LRRK1: variants seen among roughly 807,000 people sequenced by gnomAD.
LRRK1 encodes the protein leucine rich repeat kinase 1.
In LRRK1, 113 loss-of-function variants were observed where a neutral mutation model predicts 209.1. The ratio of observed to expected loss-of-function variants is 0.54; its 90% confidence interval spans 0.46 to 0.63. The LOEUF (loss-of-function observed/expected upper bound fraction) is 0.63. LRRK1 is among the 30% of genes least tolerant of loss of function. LRRK1 has a pLI of 0.00. For synonymous variants in LRRK1, 1,144 were observed against 1,099.7 expected (o/e 1.04, Z -0.80); for missense variants, 2,284 against 2,632.2 (o/e 0.87, Z 2.89).
At position 100,987,241 on chromosome 15, in the gene LRRK1, G is replaced by A. The variant is rs148356142; in HGVS notation, c.434-1393G>A. 7.8e-3 allele frequency among the ~76,000 whole-genome samples: 1,193 copies of A among 152,122 alleles called. 17 individuals are homozygous for A. Among genetic ancestry groups the A allele is most frequent in the African/African-American group, 0.028 (1,146 of 41,482 alleles). ...CCGGTTTCCTGATCAATGTCCTGTC[G>A]CGAAGGAGAGAGTCACTCTCTCCTC... On this transcript the variant is annotated intron_variant, in intron 4 of 33. Coordinates refer to ENST00000388948, the MANE Select transcript of LRRK1 (RefSeq NM_024652.6).
At position 101,053,054 on chromosome 15, in the gene LRRK1, C is replaced by CA. The variant is rs778455063; in HGVS notation, c.3828dup (p.Phe1277IlefsTer6). On this transcript the variant is annotated frameshift_variant, in exon 25 of 34. Coordinates refer to ENST00000388948, the MANE Select transcript of LRRK1 (RefSeq NM_024652.6). LOFTEE classifies it high-confidence loss of function. ...CTGTGGCCGTCAAGCGCTTCCACAT[C>CA]AAAAAATTCAAGAACTTTGCTAACG... 1 of 1,611,784 alleles carries CA rather than the reference C, an allele frequency of 6.2e-7. No individual in the cohort carries two copies. The highest frequency in any genetic ancestry group is 1.1e-5 in the South Asian group (1 of 91,008).
Position 101,070,645 on chromosome 15 carries a change from A to T in LRRK1, c.*1797A>T, listed in dbSNP as rs1387725674. The T allele has an allele frequency of 6.6e-6, 1 of 151,804 alleles. No individual in the cohort carries two copies. The highest frequency in any genetic ancestry group is 1.5e-5 in the Non-Finnish European group (1 of 68,032). The allele number at this position is 151,804 out of a possible 1,614,324, so 9.4% of individuals were successfully genotyped here. ...GAGCCAGGGGAGGGGATCTCATCAC[A>T]TCACAGTTAGAAATCATACAGGCCT... On this transcript the variant is annotated 3_prime_UTR_variant, in exon 34 of 34. Transcript: ENST00000388948.
chr15:100,996,953 G>A (rs2032444743), intron 6 of LRRK1, among the ~76,000 whole-genome samples: 2 of 152,206 alleles, frequency 1.3e-5, no homozygotes, highest in Non-Finnish European at 2.9e-5. Flanking sequence ...CCAAGGCTGT[G>A]AGAACTGTTG....
chr15:101,047,845 AT>A (rs2035173263), intron 21 of LRRK1, among the ~76,000 whole-genome samples: 1 of 152,154 alleles, frequency 6.6e-6, no homozygotes, highest in Admixed American at 6.5e-5. Context: ...TGAGGACATC[AT>A]TTTCAATCAG....
intron 4 of LRRK1, among the ~76,000 whole-genome samples, chr15:100,986,352 C>T (rs1387369186): frequency 6.6e-6 from 1 of 152,216 alleles, no homozygotes; most frequent in Non-Finnish European, 1.5e-5. Flanking sequence ...AGGGGCTCCT[C>T]TGAGTGTCGT....
intron 20 of LRRK1, 29 bp from the exon 21 acceptor site, chr15:101,045,952 G>A: frequency 6.2e-7 from 1 of 1,608,604 alleles, no homozygotes; most frequent in Non-Finnish European, 8.5e-7. Flanking sequence ...GGGCCCCACT[G>A]TTCACCAGTC....
intron 2 of LRRK1, among the ~76,000 whole-genome samples, chr15:100,972,126 C>A (rs1423452341): frequency 6.6e-6 from 1 of 151,990 alleles, no homozygotes; most frequent in Admixed American, 6.6e-5. Flanking sequence ...CCACACCCGG[C>A]TAATTTTTGT....
chr15:100,928,848 T>C (rs1394349075), intron 2 of LRRK1, among the ~76,000 whole-genome samples: 1 of 152,170 alleles, frequency 6.6e-6, no homozygotes, highest in African/African-American at 2.4e-5. Context: ...GGTCTGTGTG[T>C]GTCTGCCCTG....
chr15:101,062,546 C>G, intron 30 of LRRK1, 28 bp from the exon 31 acceptor site: 1 of 1,481,240 alleles, frequency 6.8e-7, no homozygotes, highest in Non-Finnish European at 9.4e-7. Flanking sequence ...CAGCCTGGGT[C>G]TCACAGTGGA....
Position 100,951,098 on chromosome 15 carries a change from G to A in LRRK1, c.98-22706G>A, listed in dbSNP as rs145607076. Among the ~76,000 whole-genome samples the A allele has an allele frequency of 2.0e-3, 309 of 152,252 alleles. 2 individuals carry two copies. Among genetic ancestry groups the A allele is most frequent in the African/African-American group, 7.0e-3 (289 of 41,564 alleles). On this transcript the variant is annotated intron_variant, in intron 2 of 33. Transcript: ENST00000388948. ...AGCCTGGGCTACAGAGTGAGACTCC[G>A]TCTCAGAAAAAAAGAGCAAAGGGTC...
chr15:100,944,254 C>A (rs1424316070), intron 2 of LRRK1, among the ~76,000 whole-genome samples: 3 of 152,274 alleles, frequency 2.0e-5, no homozygotes, highest in South Asian at 2.1e-4. Flanking sequence ...CATACACAAG[C>A]AGGCTTCTCC....
rs372723036 is a variant in LRRK1, at chr15:101,066,165, G to A, written c.5728G>A (p.Val1910Met). The change falls in exon 32 of 34, where the codon GTG becomes ATG. Residue 1910 changes from valine to methionine, a missense_variant. Physicochemically the swap from Val to Met is conservative, Grantham distance 21 (BLOSUM62 1). This residue lies in a region of LRRK1 where 643 missense variants were observed against 695.9 expected (regional missense o/e 0.92). Coordinates refer to ENST00000388948, the MANE Select transcript of LRRK1 (RefSeq NM_024652.6). ...GETFSQHLQA[V>M]KILAVRDLIW... ...GACCTTCAGCCAGCACCTGCAGGCC[G>A]TGAAGATCCTCGCCGTCAGAGACCT... 68 of 1,612,992 alleles carry A rather than the reference G, an allele frequency of 4.2e-5. No individual in the cohort carries two copies. The highest frequency in any genetic ancestry group is 5.3e-5 in the African/African-American group (4 of 75,038).
intron 20 of LRRK1, among the ~76,000 whole-genome samples, chr15:101,030,089 A>C (rs1452278087): frequency 6.6e-6 from 1 of 152,116 alleles, no homozygotes; most frequent in Non-Finnish European, 1.5e-5. Context: ...AGGTCTCCCC[A>C]GTCCTAAACT....
rs377308921 is a variant in LRRK1 at position 101,026,050 on chromosome 15, C to T, written c.2318C>T (p.Thr773Met). ...AAGTTCCGTGTGGAAAGGATTGCAA[C>T]GCTGCGTGCCTATGTGCTGGCACTC... ...EAKFRVERIATLRAYVLALCR... is the reference protein window; with the variant it reads ...EAKFRVERIAMLRAYVLALCR... Residue 773 changes from threonine (T) to methionine (M), a missense_variant, in exon 17 of 34, where the codon ACG becomes ATG. Transcript: ENST00000388948. 65 of 1,614,244 alleles carry T rather than the reference C, an allele frequency of 4.0e-5. No individual in the cohort carries two copies. Among genetic ancestry groups the T allele is most frequent in the Admixed American group, 3.8e-4 (23 of 60,034 alleles).
In LRRK1 at chr15:101,012,086, G is replaced by A. The variant is rs200529094; in HGVS notation, c.1360G>A (p.Asp454Asn). The stretch of plus-strand genomic sequence containing the variant: ...TGTCTTTTGGAAAAATCACCTGAAG[G>A]ATGTGGATTTCTCAGAAAACGCACT... ...MAVFWKNHLK[D>N]VDFSENALKE... is the part of the protein sequence containing the mutation. Residue 454 changes from aspartate (D) to asparagine (N), a missense_variant, in exon 10 of 34, where the codon GAT (aspartate) becomes AAT (asparagine). Asp to Asn is a conservative substitution (Grantham distance 23). Coordinates refer to ENST00000388948, the MANE Select transcript of LRRK1 (RefSeq NM_024652.6). The A allele has an allele frequency of 6.2e-7, 1 of 1,613,184 alleles. No individual in the cohort carries two copies. Among genetic ancestry groups the A allele is most frequent in the Non-Finnish European group, 8.5e-7 (1 of 1,179,596 alleles).
At chr15:101,010,642 T>C in intron 8 of LRRK1, 32 bp from the exon 9 acceptor site, 1 of 1,564,250 alleles carries the variant, frequency 6.4e-7, no homozygotes, top group Non-Finnish European at 8.6e-7. Flanking sequence ...TTTTTACCAA[T>C]TCATACTTTG....
At chr15:101,020,055 A>G (rs951674625) in intron 12 of LRRK1, among the ~76,000 whole-genome samples, 4 of 152,214 alleles carry the variant, frequency 2.6e-5, no homozygotes, top group Admixed American at 2.6e-4. Flanking sequence ...ACTGTGGTAT[A>G]TTTTCATTAA....
intron 6 of LRRK1, among the ~76,000 whole-genome samples, chr15:101,005,131 T>C (rs1395103245): frequency 6.6e-6 from 1 of 152,202 alleles, no homozygotes; most frequent in Non-Finnish European, 1.5e-5. Flanking sequence ...TTCAGCTGTC[T>C]GGCCCTTGCC....
intron 2 of LRRK1, among the ~76,000 whole-genome samples, chr15:100,941,436 G>GTCTGTGTGTGTGTGTGTCTC (rs2042425840): frequency 3.4e-4 from 3 of 8,804 alleles, no homozygotes; most frequent in African/African-American, 6.4e-4. Context: ...GTCTGTGTGT[G>GTCTGTGTGTGTGTGTGTCTC]TGTGTGTGTC....
Sources: gnomAD v4.1 joint callset for allele counts (sites outside exome capture counted in the v4.1 genomes callset) on GRCh38, gnomAD v4.1.1 for gene constraint, gnomAD v4.1.1 regional missense constraint, MANE v1.5 for transcripts, NCBI Gene and HGNC (gene_info 2026-07-23, HGNC 2026-07-21) for gene names.